Variants in FAM107B observed in about 807,000 individuals in gnomAD.
FAM107B encodes protein FAM107B.
In FAM107B, 21 loss-of-function variants were observed where a neutral mutation model predicts 31.5. The ratio of observed to expected loss-of-function variants is 0.67; its 90% CI spans 0.47 to 0.96. FAM107B has a LOEUF of 0.96. Among genes scored for constraint, FAM107B ranks in the 40% least tolerant of loss-of-function variants. The pLI, the probability that FAM107B is intolerant of heterozygous loss-of-function variation, is 0.00. For missense variants in FAM107B, 452 were observed against 377.1 expected, an observed-to-expected ratio of 1.20 and a Z score of -1.64; for synonymous variants, 157 against 141.5, an observed-to-expected ratio of 1.11 and a Z score of -0.78.
At chr10:14,592,857 T>C (rs1018075020) in intron 2 of FAM107B, among the ~76,000 whole-genome samples, 5 of 152,202 alleles carry the variant, frequency 3.3e-5, no homozygotes, top group Admixed American at 6.5e-5. Flanking sequence ...CAGAGTCCCT[T>C]GGCAACGGAA....
At chr10:14,572,739 T>TTATATATATATATATATA (rs61477094) in intron 2 of FAM107B, among the ~76,000 whole-genome samples, 11 of 91,998 alleles carry the variant, frequency 1.2e-4, no homozygotes, top group Admixed American at 6.1e-4. Context: ...AAAAAAAAAT[T>TTATATATATATATATATA]TATATATATA....
chr10:14,608,857 T>C (rs1396652907), intron 2 of FAM107B, among the ~76,000 whole-genome samples: 1 of 152,204 alleles, frequency 6.6e-6, no homozygotes, highest in East Asian at 1.9e-4. Flanking sequence ...AGAGGAGGAA[T>C]TCTTGTGACC....
At chr10:14,723,886 T>A in intron 1 of FAM107B, 1 of 753,758 alleles carries the variant, frequency 1.3e-6, no homozygotes, top group Non-Finnish European at 2.4e-6. Context: ...CAGCAGAAGC[T>A]TCTCCCAGGT....
At position 14,593,973 on chromosome 10, in the gene FAM107B, T is replaced by C. The variant is rs532620665; in HGVS notation, c.470-63458A>G. ...ATGTTGAAAAATGCATGATGCCTAA[T>C]TAAATTCCATTCATTAATAGGGTAA... On this transcript the variant is annotated intron_variant, in intron 2 of 4. Transcript: ENST00000181796. Among the ~76,000 whole-genome samples, 3 of 152,362 alleles carry C rather than the reference T, an allele frequency of 2.0e-5. No homozygotes were observed. In the East Asian group the frequency reaches 5.8e-4, roughly 29 times the overall value.
intron 2 of FAM107B, among the ~76,000 whole-genome samples, chr10:14,546,342 G>A (rs907938035): frequency 1.3e-5 from 2 of 152,192 alleles, no homozygotes; most frequent in Non-Finnish European, 2.9e-5. Context: ...TTTCTAAATT[G>A]ACTGTCCACA....
At chr10:14,705,246 C>T (rs1468494648) in intron 1 of FAM107B, among the ~76,000 whole-genome samples, 1 of 152,002 alleles carries the variant, frequency 6.6e-6, no homozygotes, top group East Asian at 1.9e-4. Flanking sequence ...GAAACTGGAA[C>T]CCTTGTACAC....
intron 2 of FAM107B, among the ~76,000 whole-genome samples, chr10:14,536,910 T>A (rs144901574): frequency 1.3e-5 from 2 of 152,288 alleles, no homozygotes; most frequent in African/African-American, 4.8e-5. Context: ...TGGGAAAGTA[T>A]CAAACTCATT....
chr10:14,561,842 TG>T (rs1850270735), intron 2 of FAM107B, among the ~76,000 whole-genome samples: 1 of 152,236 alleles, frequency 6.6e-6, no homozygotes, highest in South Asian at 2.1e-4. Context: ...TGGAGTGCAG[TG>T]GCATGACCTT....
chr10:14,732,409 T>C (rs1856194812), intron 1 of FAM107B, among the ~76,000 whole-genome samples: 1 of 152,230 alleles, frequency 6.6e-6, no homozygotes, highest in South Asian at 2.1e-4. Flanking sequence ...CTGTTTTTAA[T>C]GTTGGTTCGG....
At chr10:14,567,683 G>C (rs1202845283) in intron 2 of FAM107B, among the ~76,000 whole-genome samples, 1 of 152,180 alleles carries the variant, frequency 6.6e-6, no homozygotes, top group African/African-American at 2.4e-5. Context: ...TTCAAAAGCA[G>C]AGGCAAAGTC....
chr10:14,540,496 T>C (rs1388075109), intron 2 of FAM107B, among the ~76,000 whole-genome samples: 1 of 152,196 alleles, frequency 6.6e-6, no homozygotes, highest in African/African-American at 2.4e-5. Flanking sequence ...GGGGCTGGTA[T>C]TTCCTTGCTG....
chr10:14,687,425 G>T (rs1855016480), intron 1 of FAM107B, among the ~76,000 whole-genome samples: 2 of 152,146 alleles, frequency 1.3e-5, no homozygotes, highest in Non-Finnish European at 2.9e-5. Flanking sequence ...TAATCATAAA[G>T]GTCAGTATGT....
intron 2 of FAM107B, among the ~76,000 whole-genome samples, chr10:14,626,623 C>T (rs979535263): frequency 6.6e-6 from 1 of 151,704 alleles, no homozygotes; most frequent in Non-Finnish European, 1.5e-5. Context: ...CCTGCCTCAG[C>T]CTCCCAAGTA....
chr10:14,659,534 C>A (rs1025736874), intron 2 of FAM107B, among the ~76,000 whole-genome samples: 2 of 152,168 alleles, frequency 1.3e-5, no homozygotes, highest in Admixed American at 1.3e-4. Context: ...GATAAGTTTC[C>A]CTTCTTTTTT....
intron 2 of FAM107B, among the ~76,000 whole-genome samples, chr10:14,666,407 C>G (rs1047722231): frequency 1.3e-5 from 2 of 152,140 alleles, no homozygotes; most frequent in African/African-American, 4.8e-5. Context: ...CTCATGAGAA[C>G]TCACTCACTA....
chr10:14,586,302 C>T (rs984269973), intron 2 of FAM107B, among the ~76,000 whole-genome samples: 3 of 152,152 alleles, frequency 2.0e-5, no homozygotes, highest in African/African-American at 7.2e-5. Context: ...TAGCAAAGAA[C>T]GTCTCTGTGG....
intron 1 of FAM107B, among the ~76,000 whole-genome samples, chr10:14,728,445 G>A (rs954444401): frequency 2.0e-5 from 3 of 151,974 alleles, no homozygotes; most frequent in African/African-American, 7.3e-5. Context: ...AAAAGTCAAG[G>A]GGAAAGGAAA....
intron 2 of FAM107B, among the ~76,000 whole-genome samples, chr10:14,656,820 G>C (rs1854069963): frequency 1.3e-5 from 2 of 152,210 alleles, no homozygotes; most frequent in African/African-American, 4.8e-5. Flanking sequence ...GCTTCAATTT[G>C]TGCACACTGA....
At chr10:14,655,545 G>T (rs770009523) in intron 2 of FAM107B, among the ~76,000 whole-genome samples, 1 of 152,150 alleles carries the variant, frequency 6.6e-6, no homozygotes, top group Non-Finnish European at 1.5e-5. Flanking sequence ...TCAGCCTCCC[G>T]AGTAGCTGGC....
Sources: allele counts gnomAD v4.1 joint callset (sites outside exome capture counted in the v4.1 genomes callset), GRCh38; gene constraint gnomAD v4.1.1; transcripts MANE v1.5; gene names NCBI Gene and HGNC (gene_info 2026-07-23, HGNC 2026-07-21).